COP1: variants seen among roughly 807,000 people sequenced by gnomAD.
COP1 encodes the protein E3 ubiquitin-protein ligase COP1.
Under a neutral mutation model 101.3 loss-of-function variants are expected in COP1, and 24 were observed. The ratio of observed to expected loss-of-function variants is 0.24; its 90% CI spans 0.17 to 0.33. The LOEUF is 0.33. COP1 is among the 10% of genes least tolerant of loss of function. COP1 has a pLI of 1.00. For missense variants in COP1, 663 were observed against 906.2 expected (o/e 0.73, Z 3.45); for synonymous variants, 347 against 341.9 (o/e 1.01, Z -0.17).
chr1:176,094,117 A>T (rs1298467941), intron 9 of COP1, among the ~76,000 whole-genome samples: 1 of 152,182 alleles, frequency 6.6e-6, no homozygotes, highest in African/African-American at 2.4e-5. Context: ...AATAATCAGG[A>T]ACAGGGCATA....
At chr1:176,052,294 C>T (rs1242794929) in intron 11 of COP1, among the ~76,000 whole-genome samples, 1 of 152,184 alleles carries the variant, frequency 6.6e-6, no homozygotes, top group Non-Finnish European at 1.5e-5. Flanking sequence ...AAGTACACTC[C>T]ATGATGTTTG....
intron 8 of COP1, among the ~76,000 whole-genome samples, chr1:176,125,291 T>G (rs910786103): frequency 6.6e-6 from 1 of 152,164 alleles, no homozygotes; most frequent in Non-Finnish European, 1.5e-5. Context: ...TTTGCTTTGG[T>G]TGCCTGTGAT....
chr1:176,183,092 T>A (rs1259888134), intron 2 of COP1, among the ~76,000 whole-genome samples: 2 of 152,204 alleles, frequency 1.3e-5, no homozygotes, highest in Non-Finnish European at 2.9e-5. Context: ...AGAATATAGA[T>A]AATACAAGCT....
intron 5 of COP1, among the ~76,000 whole-genome samples, chr1:176,154,334 C>T (rs1488519873): frequency 6.6e-6 from 1 of 152,150 alleles, no homozygotes; most frequent in Non-Finnish European, 1.5e-5. Flanking sequence ...AAGACATATG[C>T]ACATGTATGT....
chr1:176,109,398 C>T (rs1345412716), intron 9 of COP1, among the ~76,000 whole-genome samples: 1 of 152,180 alleles, frequency 6.6e-6, no homozygotes, highest in Non-Finnish European at 1.5e-5. Context: ...CCTTTCACCA[C>T]TGATCTACAT....
At chr1:176,046,713 T>C (rs756098202) in intron 11 of COP1, among the ~76,000 whole-genome samples, 1 of 152,088 alleles carries the variant, frequency 6.6e-6, no homozygotes, top group Non-Finnish European at 1.5e-5. Flanking sequence ...CTTATTTCCC[T>C]GCCATTTTGT....
At chr1:176,049,498 T>A (rs1672165419) in intron 11 of COP1, among the ~76,000 whole-genome samples, 1 of 151,964 alleles carries the variant, frequency 6.6e-6, no homozygotes, top group Admixed American at 6.6e-5. Context: ...TTAATAGAAA[T>A]ATTAATCAAA....
rs1272399205 is a variant in COP1, at chr1:176,027,670, T to C, written c.1631A>G (p.Asn544Ser). The part of the protein sequence containing the change: ...DDAKVKLWST[N>S]LDNSVASIEA... Reference sequence around the variant, plus strand: ...AATGCTTGCCACTGAGTTGTCTAGATTGGTAGACCACAGCTTCACTAAGGG... The same window carrying C: ...AATGCTTGCCACTGAGTTGTCTAGACTGGTAGACCACAGCTTCACTAAGGG... The change falls in exon 15 of 20, where the codon AAT becomes AGT. Residue 544 changes from asparagine to serine, a missense_variant. Transcript: ENST00000367669. The C allele has an allele frequency of 1.2e-6, 2 of 1,609,228 alleles. No homozygotes were observed.
At chr1:176,059,585 T>C (rs7534948) in intron 11 of COP1, among the ~76,000 whole-genome samples, 60,325 of 151,790 alleles carry the variant, frequency 0.4, 12,186 homozygotes, top group Middle Eastern at 0.45. Flanking sequence ...TGGGTTCAAG[T>C]GATTCTCCTG....
intron 15 of COP1, among the ~76,000 whole-genome samples, chr1:176,006,567 T>C (rs1663282559): frequency 1.3e-5 from 2 of 152,216 alleles, no homozygotes; most frequent in Admixed American, 1.3e-4. Context: ...CCCTCAGCAT[T>C]TGCTGGTCTG....
intron 10 of COP1, among the ~76,000 whole-genome samples, chr1:176,081,576 T>A (rs1679169066): frequency 2.0e-5 from 3 of 151,898 alleles, no homozygotes; most frequent in African/African-American, 7.2e-5. Context: ...AAGCTACTAT[T>A]TAAGAGTCAT....
chr1:176,039,375 GCTT>G (rs1447721495), intron 14 of COP1, among the ~76,000 whole-genome samples: 5 of 152,104 alleles, frequency 3.3e-5, no homozygotes, highest in African/African-American at 1.2e-4. Context: ...AATAATGTAA[GCTT>G]CTGCTTTAGA....
intron 11 of COP1, among the ~76,000 whole-genome samples, chr1:176,057,261 T>G (rs1368101154): frequency 6.6e-6 from 1 of 152,162 alleles, no homozygotes; most frequent in East Asian, 1.9e-4. Context: ...TGATATGCTT[T>G]GCTATAATAA....
chr1:176,003,575 C>T (rs1245649304), intron 15 of COP1, among the ~76,000 whole-genome samples: 2 of 151,360 alleles, frequency 1.3e-5, no homozygotes, highest in Admixed American at 6.6e-5. Context: ...ATATGGCTAG[C>T]CAGTTTTCCC....
chr1:176,124,624 T>C (rs549165097), intron 8 of COP1, among the ~76,000 whole-genome samples: 1 of 152,340 alleles, frequency 6.6e-6, no homozygotes, highest in African/African-American at 2.4e-5. Flanking sequence ...TGGCTGATAG[T>C]ACTCCATTGA....
At chr1:176,029,742 C>A (rs1571794705) in intron 14 of COP1, among the ~76,000 whole-genome samples, 1 of 152,056 alleles carries the variant, frequency 6.6e-6, no homozygotes, top group African/African-American at 2.4e-5. Context: ...GATACAGTAA[C>A]CTGTAGACAG....
At chr1:175,946,807 G>T (rs1203146668) in intron 19 of COP1, among the ~76,000 whole-genome samples, 2 of 152,158 alleles carry the variant, frequency 1.3e-5, no homozygotes, top group Non-Finnish European at 2.9e-5. Context: ...GTTTAAATCT[G>T]GTGATGTCTA....
At chr1:176,114,325 G>A (rs1438191303) in intron 9 of COP1, among the ~76,000 whole-genome samples, 3 of 152,050 alleles carry the variant, frequency 2.0e-5, no homozygotes, top group Non-Finnish European at 4.4e-5. Context: ...CCAAATGCAT[G>A]CATTGTACAT....
intron 15 of COP1, among the ~76,000 whole-genome samples, chr1:175,991,007 C>T (rs146098711): frequency 6.6e-6 from 1 of 151,722 alleles, no homozygotes; most frequent in South Asian, 2.1e-4. Context: ...CATCTGAAAT[C>T]AAAAAATCCC....
Sources: allele counts gnomAD v4.1 joint callset (sites outside exome capture counted in the v4.1 genomes callset), GRCh38; gene constraint gnomAD v4.1.1; transcripts MANE v1.5; gene names NCBI Gene and HGNC (gene_info 2026-07-23, HGNC 2026-07-21).